Variants in ERG observed in about 807,000 individuals in gnomAD.
ERG encodes ETS transcription factor ERG, also known as transcriptional regulator ERG.
A neutral mutation model predicts 55.3 loss-of-function variants in ERG; 9 were observed. The observed-to-expected ratio is 0.16, with a 90% CI of 0.10 to 0.28. ERG has a LOEUF of 0.28. Among genes scored for constraint, ERG ranks in the 10% least tolerant of loss-of-function variants. The pLI, the probability that ERG is intolerant of heterozygous loss-of-function variation, is 1.00. For synonymous variants in ERG, 223 were observed against 237.3 expected (o/e 0.94, Z 0.55); for missense variants, 434 against 631.6 (o/e 0.69, Z 3.35).
intron 2 of ERG, among the ~76,000 whole-genome samples, chr21:38,431,325 G>C (rs1038471148): frequency 1.3e-5 from 2 of 152,156 alleles, no homozygotes; most frequent in African/African-American, 2.4e-5. Context: ...GGATGAACAA[G>C]AGTTTAGCTT....
Position 38,434,569 on chromosome 21 carries a change from T to C in ERG, c.236+10835A>G, listed in dbSNP as rs578104069. On this transcript the variant is annotated intron_variant, in intron 2 of 9. Transcript: ENST00000288319. ...AGTACATTTATGAATGAATCTTCCA[T>C]TTAAATATTGAGTTCCTTATCTCAT... Among the ~76,000 whole-genome samples the C allele has an allele frequency of 2.0e-5, 3 of 152,340 alleles. No individual in the cohort carries two copies. In the East Asian group the frequency reaches 5.8e-4, roughly 29 times the overall value.
At chr21:38,444,240 G>C (rs1188177098) in intron 2 of ERG, among the ~76,000 whole-genome samples, 2 of 152,228 alleles carry the variant, frequency 1.3e-5, no homozygotes, top group African/African-American at 4.8e-5. Flanking sequence ...TCAGGGTGTG[G>C]AGTCAAACAC....
chr21:38,518,314 G>C (rs945135822), intron 2 of ERG, among the ~76,000 whole-genome samples: 2 of 149,868 alleles, frequency 1.3e-5, no homozygotes, highest in African/African-American at 5.0e-5. Context: ...TTTTTAAAAG[G>C]CAAATCTTAA....
chr21:38,635,232 T>C (rs1354814790), intron 1 of ERG, among the ~76,000 whole-genome samples: 1 of 152,134 alleles, frequency 6.6e-6, no homozygotes, highest in Non-Finnish European at 1.5e-5. Context: ...GTTTTTAACA[T>C]AGACCCATAC....
chr21:38,453,283 G>GCA (rs1207226644), intron 1 of ERG, among the ~76,000 whole-genome samples: 1 of 152,136 alleles, frequency 6.6e-6, no homozygotes, highest in Non-Finnish European at 1.5e-5. Flanking sequence ...GAAGGAGGGA[G>GCA]CATTCAATCT....
chr21:38,604,359 A>G (rs1425052178), intron 1 of ERG, among the ~76,000 whole-genome samples: 1 of 152,136 alleles, frequency 6.6e-6, no homozygotes, highest in Non-Finnish European at 1.5e-5. Context: ...AACATCTATT[A>G]TGGAATAAAT....
In ERG at chr21:38,498,097, G is replaced by A. The variant is rs1390176116; in HGVS notation, c.18+266C>T. Among the ~76,000 whole-genome samples, 2 of 152,196 alleles carry A rather than the reference G, an allele frequency of 1.3e-5. No homozygotes were observed. The highest frequency in any genetic ancestry group is 6.5e-5 in the Admixed American group (1 of 15,280). ...GAATCTGAAAATTCAGAAGCGCTCC[G>A]AAAAGCCTTTCCAAAAGTAATCCAC... is the stretch of plus-strand genomic sequence containing the variant. On this transcript the variant is annotated intron_variant, in intron 1 of 9. Transcript: ENST00000288319. The surrounding 1 kb of genome is among the most constrained non-coding windows in gnomAD (Gnocchi z 4.6).
intron 1 of ERG, among the ~76,000 whole-genome samples, chr21:38,647,684 C>A (rs2060465421): frequency 6.6e-6 from 1 of 152,202 alleles, no homozygotes; most frequent in Admixed American, 6.5e-5. Context: ...GGCACCAGTG[C>A]CTCAGGTGAC....
At chr21:38,562,883 T>C (rs141655028) in intron 2 of ERG, among the ~76,000 whole-genome samples, 4 of 152,322 alleles carry the variant, frequency 2.6e-5, no homozygotes, top group African/African-American at 9.6e-5. Flanking sequence ...GTGTTTGTTC[T>C]TATTCCTGGG....
intron 6 of ERG, chr21:38,395,373 C>A: frequency 4.4e-6 from 1 of 226,112 alleles, no homozygotes; most frequent in Non-Finnish European, 8.8e-6. Context: ...CTCTATGTAT[C>A]TTTGCTATGT....
At chr21:38,603,540 A>C (rs2060177407) in intron 1 of ERG, among the ~76,000 whole-genome samples, 1 of 151,946 alleles carries the variant, frequency 6.6e-6, no homozygotes, top group Non-Finnish European at 1.5e-5. Context: ...TGCATGAAGG[A>C]CTTCCACCTG....
chr21:38,383,080 T>A lies in ERG; in HGVS notation c.*323A>T, dbSNP rs1288053052. The A allele has an allele frequency of 9.0e-7, 1 of 1,116,464 alleles. No individual in the cohort carries two copies. Among genetic ancestry groups the A allele is most frequent in the Admixed American group, 4.8e-5 (1 of 20,902 alleles). 69.2% of individuals were successfully genotyped at this position (1,116,464 alleles called of 1,614,324 possible). A position where few individuals can be genotyped will look rare whatever the true frequency, so the allele number is the denominator to read the frequency against. On this transcript the variant is annotated 3_prime_UTR_variant, in exon 10 of 10. Coordinates refer to ENST00000288319, the MANE Select transcript of ERG (RefSeq NM_182918.4). The surrounding 1 kb of genome is among the most constrained non-coding windows in gnomAD (Gnocchi z 5.7). ...ATTAGTGGGATTCCAAACTCTACTC[T>A]AAAGTTTATACATTTCTTAAGACCA...
intron 3 of ERG, among the ~76,000 whole-genome samples, chr21:38,414,868 T>G (rs1989210831): frequency 6.6e-6 from 1 of 152,152 alleles, no homozygotes; most frequent in Non-Finnish European, 1.5e-5. Context: ...TCATGCTAAA[T>G]CTAAGCTGTC....
chr21:38,400,740 A>T, intron 5 of ERG, 95 bp from the exon 6 acceptor site: 5 of 914,042 alleles, frequency 5.5e-6, no homozygotes, highest in Non-Finnish European at 8.6e-6. Context: ...TATGACAACA[A>T]AGGGAAGAGA....
chr21:38,624,654 C>T (rs957695481), intron 1 of ERG, among the ~76,000 whole-genome samples: 4 of 152,108 alleles, frequency 2.6e-5, no homozygotes, highest in Non-Finnish European at 2.9e-5. Context: ...ATCTCAGCAC[C>T]GCTCACTGGC....
chr21:38,430,591 CA>C (rs1268832017), intron 2 of ERG, among the ~76,000 whole-genome samples: 4 of 152,234 alleles, frequency 2.6e-5, no homozygotes, highest in Non-Finnish European at 5.9e-5. Context: ...GCTGGGAAGA[CA>C]GATACTTCCC....
chr21:38,367,675 G>A, the ERG span: 11 of 506,988 alleles, frequency 2.2e-5, no homozygotes. Context: ...GGGAAATTAA[G>A]CTCCACTCTT....
intron 1 of ERG, among the ~76,000 whole-genome samples, chr21:38,612,626 A>G (rs1301889693): frequency 6.6e-6 from 1 of 151,930 alleles, no homozygotes; most frequent in East Asian, 1.9e-4. Flanking sequence ...CACAGTAACT[A>G]ACTAGGAACC....
intron 1 of ERG, among the ~76,000 whole-genome samples, chr21:38,649,151 A>G (rs1601353185): frequency 6.6e-6 from 1 of 152,260 alleles, no homozygotes; most frequent in African/African-American, 2.4e-5. Flanking sequence ...CCAAGAGTAC[A>G]TTTCAGCCAT....
Sources: allele counts gnomAD v4.1 joint callset (sites outside exome capture counted in the v4.1 genomes callset), GRCh38; gene constraint gnomAD v4.1.1; non-coding constraint Gnocchi (gnomAD v3.1); transcripts MANE v1.5; gene names NCBI Gene and HGNC (gene_info 2026-07-23, HGNC 2026-07-21).